Variants in AP3B2 observed in about 807,000 individuals in gnomAD.
AP3B2 encodes the protein adaptor related protein complex 3 subunit beta 2.
In AP3B2, 50 loss-of-function variants were observed where a neutral mutation model predicts 126.9. The observed-to-expected ratio is 0.39, with a 90% CI of 0.31 to 0.50. AP3B2 has a LOEUF of 0.50. Ranked by LOEUF, AP3B2 falls within the 20% of genes least tolerant of loss-of-function variation. The pLI is 0.79. For missense variants in AP3B2, 1,177 were observed against 1,426.4 expected (o/e 0.83, Z 2.82); for synonymous variants, 541 against 565.0 (o/e 0.96, Z 0.60).
chr15:82,701,484 GCTTTCT>G (rs2048718704), intron 1 of AP3B2, among the ~76,000 whole-genome samples: 1 of 152,092 alleles, frequency 6.6e-6, no homozygotes, highest in Non-Finnish European at 1.5e-5. Context: ...TCCTCCAGCA[GCTTTCT>G]CTTTTACAGT....
chr15:82,695,793 T>C (rs2151456475), intron 1 of AP3B2, among the ~76,000 whole-genome samples: 1 of 152,326 alleles, frequency 6.6e-6, no homozygotes, highest in Middle Eastern at 3.4e-3. Context: ...AGCTGACAAC[T>C]TACCACTTGG....
chr15:82,664,097 C>T lies in AP3B2; in HGVS notation c.2262-122G>A, dbSNP rs1441695203. ...GGAGCCTGAGCCAGGAGGGTTCACA[C>T]CTGAGGTCCTATAGCAGGGACCCCG... On this transcript the variant is annotated intron_variant, in intron 19 of 26. Coordinates refer to ENST00000535359, the MANE Select transcript of AP3B2 (RefSeq NM_001278512.2). The surrounding 1 kb of genome is among the most constrained non-coding windows in gnomAD (Gnocchi z 4.5). 3.5e-6 allele frequency: 5 copies of T among 1,438,116 alleles called. No individual in the cohort carries two copies. The highest frequency in any genetic ancestry group is 4.6e-6 in the Non-Finnish European group (5 of 1,092,362). 89.1% of individuals were successfully genotyped at this position (1,438,116 alleles called of 1,614,324 possible).
intron 1 of AP3B2, 30 bp downstream of exon 1, chr15:82,709,564 T>G: frequency 6.8e-7 from 1 of 1,465,410 alleles, no homozygotes. Flanking sequence ...GCCCCAACCC[T>G]CCCGCGAGCT....
intron 1 of AP3B2, among the ~76,000 whole-genome samples, chr15:82,704,561 G>A (rs546683565): frequency 1.3e-5 from 2 of 152,356 alleles, no homozygotes; most frequent in African/African-American, 4.8e-5. Flanking sequence ...GCCAAGGAAT[G>A]CCCACAGCCC....
In AP3B2 at chr15:82,704,226, C is replaced by T. The variant is rs141867914; in HGVS notation, c.113+5368G>A. 1.9e-4 allele frequency among the ~76,000 whole-genome samples: 29 copies of T among 152,276 alleles called. 2 individuals are homozygous for T. The East Asian group carries it at 4.8e-3, about 25-fold the overall frequency. On this transcript the variant is annotated intron_variant, in intron 1 of 26. Coordinates refer to ENST00000535359, the MANE Select transcript of AP3B2 (RefSeq NM_001278512.2). ...TTTACAGCCCTAGACCCTAAAAGGT[C>T]AAAAGGCAGTCTTATTCTCAATATA...
At chr15:82,685,822 AG>A (rs2048416981) in intron 4 of AP3B2, 1 of 152,250 alleles carries the variant, frequency 6.6e-6, no homozygotes. Flanking sequence ...CTAATAGCCA[AG>A]CATTTTTAAG....
At chr15:82,705,802 G>A (rs996173785) in intron 1 of AP3B2, among the ~76,000 whole-genome samples, 2 of 152,122 alleles carry the variant, frequency 1.3e-5, no homozygotes, top group African/African-American at 4.8e-5. Flanking sequence ...GGATGGTTAG[G>A]TACTTCCACC....
chr15:82,672,307 A>G (rs770791330), intron 14 of AP3B2, among the ~76,000 whole-genome samples: 9 of 152,228 alleles, frequency 5.9e-5, no homozygotes, highest in Non-Finnish European at 1.0e-4. Context: ...GTCATTTGCA[A>G]CAACATGGAT....
chr15:82,673,799 G>A (rs1256209594), intron 14 of AP3B2, among the ~76,000 whole-genome samples: 2 of 152,078 alleles, frequency 1.3e-5, no homozygotes, highest in African/African-American at 4.8e-5. Context: ...AAAAGTTTAC[G>A]TTTTTAAAAG....
rs374426997 is a variant in AP3B2 at position 82,680,942 on chromosome 15, C to T, written c.666G>A (p.Arg222=). The T allele has an allele frequency of 4.3e-6, 7 of 1,613,820 alleles. No individual in the cohort carries two copies. The highest frequency in any genetic ancestry group is 5.9e-6 in the Non-Finnish European group (7 of 1,179,890). The part of the protein sequence containing the change: ...ERIDLIHKNY[R]KLCNLLIDVE... ...CGTCGATCAGCAGGTTACAGAGTTT[C>T]CGGTAGTTTTTGTGAATCAGGTCGA... The change falls in exon 7 of 27, where the codon CGG becomes CGA. Residue 222 remains arginine (R), a synonymous_variant. Coordinates refer to ENST00000535359, the MANE Select transcript of AP3B2 (RefSeq NM_001278512.2). This position sits in a 1 kb window ranked among gnomAD's most constrained non-coding sequence, Gnocchi z 6.1.
At chr15:82,701,472 TCTC>T (rs1240534918) in intron 1 of AP3B2, among the ~76,000 whole-genome samples, 2 of 152,216 alleles carry the variant, frequency 1.3e-5, no homozygotes, top group African/African-American at 4.8e-5. Flanking sequence ...TGAGTGAGGT[TCTC>T]CTCCAGCAGC....
chr15:82,663,094 C>T (rs1351425932), intron 22 of AP3B2, 33 bp downstream of exon 22: 1 of 1,563,558 alleles, frequency 6.4e-7, no homozygotes. Flanking sequence ...TGTGTCCCTG[C>T]CCCAGCCCGG....
rs1196856054 is a variant in AP3B2, at chr15:82,680,025, A to G, written c.1110+150T>C. On this transcript the variant is annotated intron_variant, in intron 9 of 26. Coordinates refer to ENST00000535359, the MANE Select transcript of AP3B2 (RefSeq NM_001278512.2). This position sits in a 1 kb window ranked among gnomAD's most constrained non-coding sequence, Gnocchi z 6.1. ...GATCCAGGCCCTGCTCCCTATCTGTATTTGGAGCCTCCCCTGCCCCATCCT... is the reference window on the plus strand; with the variant it reads ...GATCCAGGCCCTGCTCCCTATCTGTGTTTGGAGCCTCCCCTGCCCCATCCT... 2 of 1,183,910 alleles carry G rather than the reference A, an allele frequency of 1.7e-6. No homozygotes were observed. The highest frequency in any genetic ancestry group is 1.5e-5 in the African/African-American group (1 of 65,982). The allele number at this position is 1,183,910 out of a possible 1,614,324, so 73.3% of individuals were successfully genotyped here. A position where few individuals can be genotyped will look rare whatever the true frequency, so the allele number is the denominator to read the frequency against.
chr15:82,664,644 A>T lies in AP3B2; in HGVS notation c.2138-154T>A, dbSNP rs1183299071. On this transcript the variant is annotated intron_variant, in intron 18 of 26. Transcript: ENST00000535359. This position sits in a 1 kb window ranked among gnomAD's most constrained non-coding sequence, Gnocchi z 4.5. The stretch of plus-strand genomic sequence containing the variant: ...CATGCCAGCTGGAACTGACAGAAAC[A>T]CAGATGGACTCCATGGATAGAAACC... Among the ~76,000 whole-genome samples the T allele has an allele frequency of 6.6e-6, 1 of 152,166 alleles. No homozygotes were observed. Among genetic ancestry groups the T allele is most frequent in the East Asian group, 1.9e-4 (1 of 5,192 alleles).
At chr15:82,692,760 G>A (rs12442733) in intron 1 of AP3B2, 8,956 of 152,300 alleles carry the variant, frequency 0.059, 396 homozygotes, top group African/African-American at 0.11. Flanking sequence ...ACTGAACATT[G>A]AACAGCCATT....
At chr15:82,678,733 T>C (rs1019293486) in intron 10 of AP3B2, among the ~76,000 whole-genome samples, 1 of 152,204 alleles carries the variant, frequency 6.6e-6, no homozygotes, top group Non-Finnish European at 1.5e-5. Flanking sequence ...CCCTTATAGC[T>C]CTCCACACTT....
rs1596166294 is a variant in AP3B2, at chr15:82,662,910, C to G, written c.2617G>C (p.Val873Leu). ...STLVPSLLSP[V>L]SGVGRQELLH... ...AGCTCCTGCCGCCCAACACCCGATACTGGACTCAGAAGCTAGAGTGGAGGG... is the reference window on the plus strand; with the variant it reads ...AGCTCCTGCCGCCCAACACCCGATAGTGGACTCAGAAGCTAGAGTGGAGGG... The change falls in exon 23 of 27, where the codon GTA (valine) becomes CTA (leucine). Residue 873 changes from valine to leucine, a missense_variant. Transcript: ENST00000535359. 1 of 1,612,910 alleles carries G rather than the reference C, an allele frequency of 6.2e-7. No homozygotes were observed.
At chr15:82,704,088 G>T (rs557769137) in intron 1 of AP3B2, among the ~76,000 whole-genome samples, 1 of 152,142 alleles carries the variant, frequency 6.6e-6, no homozygotes, top group Middle Eastern at 3.2e-3. Context: ...CAAGGTTAAC[G>T]CTCCTTTTCC....
At chr15:82,683,275 T>A (rs1030538267) in intron 4 of AP3B2, among the ~76,000 whole-genome samples, 5 of 152,010 alleles carry the variant, frequency 3.3e-5, no homozygotes. Flanking sequence ...GCCAGGATGG[T>A]CTCGATCTCC....
Sources: allele counts gnomAD v4.1 joint callset (sites outside exome capture counted in the v4.1 genomes callset), GRCh38; gene constraint gnomAD v4.1.1; non-coding constraint Gnocchi (gnomAD v3.1); transcripts MANE v1.5; gene names NCBI Gene and HGNC (gene_info 2026-07-23, HGNC 2026-07-21).